Variants in GBP2 observed in about 807,000 individuals in gnomAD.
GBP2 encodes the protein guanylate binding protein 2, also known as guanylate-binding protein 2.
In GBP2, 54 loss-of-function variants were observed where a neutral mutation model predicts 60.8. The ratio of observed to expected loss-of-function variants is 0.89; its 90% confidence interval spans 0.71 to 1.11. The LOEUF (loss-of-function observed/expected upper bound fraction) is 1.11, where lower values mean the gene tolerates loss of function less well. GBP2 is among the 50% of genes most tolerant of loss of function. The pLI, the probability that GBP2 is intolerant of heterozygous loss-of-function variation, is 0.00. For missense variants in GBP2, 665 were observed against 703.3 expected (o/e 0.95, Z 0.62); for synonymous variants, 243 against 256.5 (o/e 0.95, Z 0.50).
At position 89,121,848 on chromosome 1, in the gene GBP2, AC is replaced by A. The variant is rs1304651441; in HGVS notation, c.118del (p.Val40TrpfsTer15). 6.2e-7 allele frequency: 1 copy of A among 1,614,004 alleles called. No homozygotes were observed. Among genetic ancestry groups the A allele is most frequent in the Admixed American group, 1.7e-5 (1 of 59,996 alleles). On this transcript the variant is annotated frameshift_variant, in exon 2 of 11. Transcript: ENST00000370466. LOFTEE classifies it high-confidence loss of function. ...GCGATAGAGGCCCACAATCGCCACCACCACCACAGGCTGCGTAATTGCAGAT... is the reference window on the plus strand; with the variant it reads ...GCGATAGAGGCCCACAATCGCCACCACACCACAGGCTGCGTAATTGCAGAT... Reference protein sequence around the residue: ...ILSAITQPVVVVAIVGLYRTG... With the variant: ...ILSAITQPVVXVAIVGLYRTG...
At chr1:89,115,548 T>A (rs552834964) in intron 6 of GBP2, among the ~76,000 whole-genome samples, 10 of 152,202 alleles carry the variant, frequency 6.6e-5, no homozygotes, top group Non-Finnish European at 1.3e-4. Context: ...CCTCCAATTA[T>A]GACACCACTC....
At chr1:89,110,339 A>G in intron 8 of GBP2, 73 bp from the exon 9 acceptor site, 1 of 1,084,584 alleles carries the variant, frequency 9.2e-7, no homozygotes, top group Admixed American at 1.9e-5. Context: ...ACCACTGGGT[A>G]TCTACCCAGA....
chr1:89,108,124 T>TTGGGGAGTTGCTCAAACATGCTCCCCA lies in GBP2; in HGVS notation c.*50_*51insTGGGGAGCATGTTTGAGCAACTCCCCA, dbSNP rs758992757. 14 of 943,602 alleles carry TTGGGGAGTTGCTCAAACATGCTCCCCA rather than the reference T, an allele frequency of 1.5e-5. No homozygotes were observed. The East Asian group carries it at 3.4e-4, about 23-fold the overall frequency. 58.5% of individuals were successfully genotyped at this position (943,602 alleles called of 1,614,324 possible). On this transcript the variant is annotated 3_prime_UTR_variant, in exon 11 of 11. Transcript: ENST00000370466. Reference sequence around the variant, plus strand: ...GACACTCTGAAGTTGCTCATTCATGTTGTTTCTTGGGGAGAGGGAGCTGGA... The same window carrying TTGGGGAGTTGCTCAAACATGCTCCCCA: ...GACACTCTGAAGTTGCTCATTCATGTTGGGGAGTTGCTCAAACATGCTCCCCATGTTTCTTGGGGAGAGGGAGCTGGA...
chr1:89,114,032 A>T lies in GBP2; in HGVS notation c.1133T>A (p.Phe378Tyr). ...CAAATATACCCCTAATTTCCTCTGG[A>T]ACATTTGGTCCACATCCTTGAAAGA... ...KNSFKDVDQM[F>Y]QRKLGAQLEA... Residue 378 changes from phenylalanine (F) to tyrosine (Y), a missense_variant, in exon 7 of 11, where the codon TTC becomes TAC. Phe to Tyr is a conservative substitution (Grantham distance 22). Coordinates refer to ENST00000370466, the MANE Select transcript of GBP2 (RefSeq NM_004120.5). 6.2e-7 allele frequency: 1 copy of T among 1,614,170 alleles called. No homozygotes were observed. The highest frequency in any genetic ancestry group is 8.5e-7 in the Non-Finnish European group (1 of 1,180,022).
intron 6 of GBP2, 120 bp from the exon 7 acceptor site, chr1:89,114,416 A>C: frequency 8.3e-7 from 1 of 1,202,504 alleles, no homozygotes. Flanking sequence ...AAAGAATAGT[A>C]ATGGAATAAT....
intron 1 of GBP2, among the ~76,000 whole-genome samples, 185 bp downstream of exon 1, chr1:89,125,671 TCTCTATG>T (rs1031271659): frequency 6.6e-6 from 1 of 152,134 alleles, no homozygotes; most frequent in African/African-American, 2.4e-5. Context: ...CATTCCCATC[TCTCTATG>T]CTGGAGACTA....
Position 89,121,802 on chromosome 1 carries a change from C to G in GBP2, c.165G>C (p.Met55Ile). 6.2e-7 allele frequency: 1 copy of G among 1,614,006 alleles called. No individual in the cohort carries two copies. The highest frequency in any genetic ancestry group is 8.5e-7 in the Non-Finnish European group (1 of 1,179,914). ...GLYRTGKSYLMNKLAGKKNGF... is the reference protein window; with the variant it reads ...GLYRTGKSYLINKLAGKKNGF... ...CGTTTTTCTTCCCAGCCAGCTTGTT[C>G]ATCAGGTAGGATTTGCCTGTGCGAT... Residue 55 changes from methionine to isoleucine, a missense_variant, in exon 2 of 11, where the codon ATG becomes ATC. Transcript: ENST00000370466.
intron 1 of GBP2, among the ~76,000 whole-genome samples, chr1:89,123,596 G>C (rs1244746645): frequency 6.6e-6 from 1 of 152,196 alleles, no homozygotes; most frequent in Non-Finnish European, 1.5e-5. Context: ...TGCACTATTA[G>C]TTAAAAGTTC....
chr1:89,116,608 T>G (rs377190654), intron 6 of GBP2, among the ~76,000 whole-genome samples: 11 of 152,320 alleles, frequency 7.2e-5, no homozygotes, highest in African/African-American at 2.6e-4. Flanking sequence ...TATTTTAGAA[T>G]TGCTGAACAA....
At position 89,120,206 on chromosome 1, in the gene GBP2, A is replaced by G; in HGVS notation, c.401T>C (p.Ile134Thr). The stretch of plus-strand genomic sequence containing the variant: ...AAGTTGGTCCATGGCCTGCTGGTTG[A>G]TGGTTCCCATGCTATTGTACACGAA... The part of the protein sequence containing the change: ...STFVYNSMGT[I>T]NQQAMDQLHY... Residue 134 changes from isoleucine to threonine, a missense_variant, in exon 4 of 11, where the codon ATC becomes ACC. By Grantham distance (89) the Ile-to-Thr change is moderately conservative. Coordinates refer to ENST00000370466, the MANE Select transcript of GBP2 (RefSeq NM_004120.5). 1 of 1,613,982 alleles carries G rather than the reference A, an allele frequency of 6.2e-7. No homozygotes were observed. The highest frequency in any genetic ancestry group is 8.5e-7 in the Non-Finnish European group (1 of 1,179,874).
intron 10 of GBP2, 69 bp downstream of exon 10, chr1:89,109,608 T>G: frequency 6.9e-7 from 1 of 1,455,268 alleles, no homozygotes; most frequent in East Asian, 2.3e-5. Flanking sequence ...GGCATTAGGT[T>G]CTCAACCTTA....
rs1803632 is a variant in GBP2 at position 89,117,007 on chromosome 1, G to C, written c.853C>G (p.Pro285Ala). 0.66 allele frequency: 1,066,837 copies of C among 1,612,582 alleles called. 355,092 individuals carry two copies. Among genetic ancestry groups the C allele is most frequent in the East Asian group, 0.78 (34,928 of 44,862 alleles). ...AGTGACTCACGAGGCCCATTGACTG[G>C]AATGCCACCTGAAAGAGTCTTGACA... is the stretch of plus-strand genomic sequence containing the variant. ...SNVKTLSGGI[P>A]VNGPRLESLV... Residue 285 changes from proline (P) to alanine (A), a missense_variant, in exon 6 of 11, where the codon CCA (proline) becomes GCA (alanine). Physicochemically the swap from Pro to Ala is conservative, Grantham distance 27. Transcript: ENST00000370466.
At chr1:89,109,444 T>G (rs1368884129) in intron 10 of GBP2, among the ~76,000 whole-genome samples, 2 of 152,222 alleles carry the variant, frequency 1.3e-5, no homozygotes, top group Non-Finnish European at 2.9e-5. Context: ...ACTTGTGCAG[T>G]GCCTAGCAAT....
At chr1:89,116,197 G>C (rs2100615611) in intron 6 of GBP2, among the ~76,000 whole-genome samples, 1 of 151,820 alleles carries the variant, frequency 6.6e-6, no homozygotes, top group Admixed American at 6.6e-5. Flanking sequence ...GTTTTTAGTA[G>C]AGGAAGGGTT....
chr1:89,111,475 C>T (rs1466789116), intron 8 of GBP2, among the ~76,000 whole-genome samples: 4 of 152,028 alleles, frequency 2.6e-5, no homozygotes, highest in Non-Finnish European at 4.4e-5. Flanking sequence ...TTTGCAAGAA[C>T]GTGGAACTTG....
chr1:89,112,428 C>T, intron 8 of GBP2, 44 bp downstream of exon 8: 1 of 1,544,472 alleles, frequency 6.5e-7, no homozygotes, highest in Non-Finnish European at 8.9e-7. Context: ...TTAAAAGCAT[C>T]CCCTCAGCGA....
At chr1:89,117,331 G>A in intron 5 of GBP2, 97 bp from the exon 6 acceptor site, 1 of 1,114,710 alleles carries the variant, frequency 9.0e-7, no homozygotes, top group Non-Finnish European at 1.3e-6. Context: ...ATGTAAGGAG[G>A]AAATTTATTA....
intron 1 of GBP2, 96 bp from the exon 2 acceptor site, chr1:89,122,079 T>C: frequency 1.2e-6 from 1 of 814,200 alleles, no homozygotes; most frequent in Non-Finnish European, 1.8e-6. Flanking sequence ...TTTTCTATGC[T>C]TGAACATTTT....
rs1316708496 is a variant in GBP2 at position 89,106,471 on chromosome 1, G to C, written c.*1704C>G. On this transcript the variant is annotated 3_prime_UTR_variant, in exon 11 of 11. Coordinates refer to ENST00000370466, the MANE Select transcript of GBP2 (RefSeq NM_004120.5). ...TGTTAAAAACTAAGAATAACTTAAA[G>C]AATATTAACAAAGTGCATGACATGA... is the stretch of plus-strand genomic sequence containing the variant. 2 of 152,098 alleles carry C rather than the reference G, an allele frequency of 1.3e-5. No individual in the cohort carries two copies. The highest frequency in any genetic ancestry group is 4.8e-5 in the African/African-American group (2 of 41,414). 9.4% of individuals were successfully genotyped at this position (152,098 alleles called of 1,614,324 possible).
Sources: gnomAD v4.1 joint callset for allele counts (sites outside exome capture counted in the v4.1 genomes callset) on GRCh38, gnomAD v4.1.1 for gene constraint, MANE v1.5 for transcripts, NCBI Gene and HGNC (gene_info 2026-07-23, HGNC 2026-07-21) for gene names.